The following GALNT5 variants were observed in gnomAD, a reference collection of about 807,000 sequenced individuals.
GALNT5 encodes polypeptide N-acetylgalactosaminyltransferase 5.
A neutral mutation model predicts 85.4 loss-of-function variants in GALNT5; 72 were observed. The observed-to-expected ratio is 0.84, with a 90% CI of 0.70 to 1.03. The LOEUF is 1.03. Ranked by LOEUF, GALNT5 falls within the 50% of genes least tolerant of loss-of-function variation. GALNT5 has a pLI of 0.00. For missense variants in GALNT5, 1,137 were observed against 1,135.5 expected (o/e 1.00, Z -0.02); for synonymous variants, 404 against 397.0 (o/e 1.02, Z -0.21).
intron 3 of GALNT5, among the ~76,000 whole-genome samples, chr2:157,290,883 C>T (rs1438904857): frequency 3.3e-5 from 5 of 152,188 alleles, no homozygotes; most frequent in Non-Finnish European, 5.9e-5. Context: ...AAGCAGTGAT[C>T]GGCCTTACCA....
At position 157,284,390 on chromosome 2, in the gene GALNT5, T is replaced by C. The variant is rs751466241; in HGVS notation, c.1563T>C (p.Asn521=). 3 of 1,614,012 alleles carry C rather than the reference T, an allele frequency of 1.9e-6. No individual in the cohort carries two copies. Among genetic ancestry groups the C allele is most frequent in the Non-Finnish European group, 1.7e-6 (2 of 1,179,854 alleles). ...TGAGATCTGTTCACAGTGTCATCAATCGCTCTCCTCCACACCTCATCAAGG... is the reference window on the plus strand; with the variant it reads ...TGAGATCTGTTCACAGTGTCATCAACCGCTCTCCTCCACACCTCATCAAGG... ...TLLRSVHSVI[N]RSPPHLIKEI... is the part of the protein sequence containing the mutation. Residue 521 remains asparagine, a synonymous_variant, in exon 2 of 10, where the codon AAT becomes AAC. Transcript: ENST00000259056.
At chr2:157,280,506 T>G (rs1574020573) in intron 1 of GALNT5, among the ~76,000 whole-genome samples, 1 of 152,212 alleles carries the variant, frequency 6.6e-6, no homozygotes, top group Non-Finnish European at 1.5e-5. Context: ...ATCTTGGTTT[T>G]AGAATTCTGG....
chr2:157,298,434 T>C, intron 5 of GALNT5, among the ~76,000 whole-genome samples: 1 of 152,202 alleles, frequency 6.6e-6, no homozygotes, highest in East Asian at 1.9e-4. Flanking sequence ...TGCCTTGGAC[T>C]GGCCAAGCAG....
chr2:157,304,072 G>A (rs16841546), intron 7 of GALNT5, among the ~76,000 whole-genome samples: 1,865 of 152,258 alleles, frequency 0.012, 46 homozygotes, highest in African/African-American at 0.042. Context: ...ACAAATACAG[G>A]AGCTTACATA....
At chr2:157,278,570 C>T (rs1682788830) in intron 1 of GALNT5, among the ~76,000 whole-genome samples, 1 of 152,146 alleles carries the variant, frequency 6.6e-6, no homozygotes, top group Non-Finnish European at 1.5e-5. Context: ...ATTTGATCTT[C>T]AATCACTGAT....
At chr2:157,262,734 T>C (rs1682372002) in intron 1 of GALNT5, among the ~76,000 whole-genome samples, 1 of 151,030 alleles carries the variant, frequency 6.6e-6, no homozygotes, top group Admixed American at 6.6e-5. Flanking sequence ...AATCAGATTC[T>C]CTTTTCCAAA....
Position 157,295,760 on chromosome 2 carries a change from C to T in GALNT5, c.1839C>T (p.Ala613=), listed in dbSNP as rs771214031. 6.8e-6 allele frequency: 11 copies of T among 1,608,710 alleles called. No homozygotes were observed. The Admixed American group carries it at 1.7e-4, about 24-fold the overall frequency. The change falls in exon 4 of 10, where the codon GCC becomes GCT. Residue 613 remains alanine, a synonymous_variant. Transcript: ENST00000259056. ...TTTATTTAAGTAGAAAGAAAGTGGC[C>T]TGTCCAGTAATCGAAGTCATCAATG... ...ERVYLSRKKV[A]CPVIEVINDK...
intron 7 of GALNT5, among the ~76,000 whole-genome samples, chr2:157,304,651 T>G (rs1328123903): frequency 6.6e-6 from 1 of 152,238 alleles, no homozygotes; most frequent in African/African-American, 2.4e-5. Context: ...TACACATACC[T>G]CTGTTTTTCT....
At chr2:157,283,128 T>C (rs1436956062) in intron 1 of GALNT5, among the ~76,000 whole-genome samples, 2 of 152,162 alleles carry the variant, frequency 1.3e-5, no homozygotes, top group East Asian at 1.9e-4. Context: ...AGTGTTCGAG[T>C]CCCAGCTCTG....
At chr2:157,299,885 C>A (rs1343140645) in intron 6 of GALNT5, among the ~76,000 whole-genome samples, 6 of 152,080 alleles carry the variant, frequency 3.9e-5, no homozygotes, top group Non-Finnish European at 7.4e-5. Flanking sequence ...TTCACAACAC[C>A]ATTTCTGCTT....
rs148464886 is a variant in GALNT5 at position 157,300,354 on chromosome 2, C to G, written c.2116-322C>G. Among the ~76,000 whole-genome samples the G allele has an allele frequency of 2.4e-3, 368 of 152,174 alleles. 2 individuals are homozygous for G. Among genetic ancestry groups the G allele is most frequent in the African/African-American group, 8.0e-3 (333 of 41,512 alleles). ...TAGAGGAACGTGAACAAATGGACAT[C>G]TATACTTCTTTCCCTGATTCAATCA... On this transcript the variant is annotated intron_variant, in intron 6 of 9. Coordinates refer to ENST00000259056, the MANE Select transcript of GALNT5 (RefSeq NM_014568.3).
At position 157,317,196 on chromosome 2, in the gene GALNT5, A is replaced by ATTT. The variant is rs1422384883; in HGVS notation, c.*5849_*5850insTTT. Reference sequence around the variant, plus strand: ...TGTGTATATATATATATATATATATATATTTTTTTTTTTGATGCTTTGATC... The same window carrying ATTT: ...TGTGTATATATATATATATATATATATTTTATTTTTTTTTTTGATGCTTTGATC... On this transcript the variant is annotated 3_prime_UTR_variant, in exon 10 of 10. Coordinates refer to ENST00000259056, the MANE Select transcript of GALNT5 (RefSeq NM_014568.3). Among the ~76,000 whole-genome samples, 350 of 132,546 alleles carry ATTT rather than the reference A, an allele frequency of 2.6e-3. 2 individuals are homozygous for ATTT. The highest frequency in any genetic ancestry group is 0.01 in the African/African-American group (323 of 30,958). The allele number at this position is 132,546 out of a possible 152,430, so 87.0% of individuals were successfully genotyped here.
Position 157,308,570 on chromosome 2 carries a change from C to G in GALNT5, c.2524C>G (p.Gln842Glu). The G allele has an allele frequency of 1.9e-6, 3 of 1,604,648 alleles. No homozygotes were observed. Among genetic ancestry groups the G allele is most frequent in the Non-Finnish European group, 2.5e-6 (3 of 1,177,356 alleles). The change falls in exon 9 of 10, where the codon CAA becomes GAA. Residue 842 changes from glutamine to glutamate, a missense_variant. Coordinates refer to ENST00000259056, the MANE Select transcript of GALNT5 (RefSeq NM_014568.3). Reference protein sequence around the residue: ...LEDCDGSKELQQFNYTWLRLI... With the variant: ...LEDCDGSKELEQFNYTWLRLI... ...TCTTTATTCATTTCCCCCACAGCTTCAACAATTTAATTACACCTGGTTAAG... is the reference window on the plus strand; with the variant it reads ...TCTTTATTCATTTCCCCCACAGCTTGAACAATTTAATTACACCTGGTTAAG...
At chr2:157,271,181 T>C (rs1477443268) in intron 1 of GALNT5, among the ~76,000 whole-genome samples, 1 of 151,408 alleles carries the variant, frequency 6.6e-6, no homozygotes, top group East Asian at 1.9e-4. Flanking sequence ...ACTAAAGGAA[T>C]AGAAGCAGCC....
chr2:157,296,669 G>C (rs1683220614), intron 5 of GALNT5, among the ~76,000 whole-genome samples, 156 bp downstream of exon 5: 1 of 152,130 alleles, frequency 6.6e-6, no homozygotes, highest in Non-Finnish European at 1.5e-5. Flanking sequence ...GTGTTCTTGA[G>C]AAATTCGTTC....
Position 157,295,697 on chromosome 2 carries a change from A to G in GALNT5, c.1776A>G (p.Glu592=). The change falls in exon 4 of 10, where the codon GAA becomes GAG. Residue 592 remains glutamate (E), a synonymous_variant. Transcript: ENST00000259056. ...TGACATTTTTAGATTCTCATGTGGA[A>G]TGTAACGTTGGTTGGTTGGAACCTC... ...DVLTFLDSHV[E]CNVGWLEPLL... The G allele has an allele frequency of 1.9e-6, 3 of 1,613,170 alleles. No individual in the cohort carries two copies. In the South Asian group the frequency reaches 3.3e-5, roughly 18 times the overall value.
chr2:157,304,375 A>G (rs948015983), intron 7 of GALNT5, among the ~76,000 whole-genome samples: 4 of 152,218 alleles, frequency 2.6e-5, no homozygotes, highest in African/African-American at 9.6e-5. Context: ...CAGGCACCTC[A>G]GAAGTAATTA....
chr2:157,258,846 T>C lies in GALNT5; in HGVS notation c.764T>C (p.Leu255Ser), dbSNP rs1481620784. The change falls in exon 1 of 10, where the codon TTA becomes TCA. Residue 255 changes from leucine to serine, a missense_variant. By Grantham distance (145) the Leu-to-Ser change is moderately radical (BLOSUM62 -2). Coordinates refer to ENST00000259056, the MANE Select transcript of GALNT5 (RefSeq NM_014568.3). Reference sequence around the variant, plus strand: ...CCGAAGTCTGGGGAAGCCATGGCCTTAAACAAAACTAAGACTCAGAGCAAA... The same window carrying C: ...CCGAAGTCTGGGGAAGCCATGGCCTCAAACAAAACTAAGACTCAGAGCAAA... ...AVPKSGEAMA[L>S]NKTKTQSKEV... The C allele has an allele frequency of 6.3e-7, 1 of 1,577,666 alleles. No homozygotes were observed. The highest frequency in any genetic ancestry group is 1.9e-5 in the Admixed American group (1 of 53,604).
At chr2:157,270,816 G>A (rs1558891412) in intron 1 of GALNT5, among the ~76,000 whole-genome samples, 1 of 152,178 alleles carries the variant, frequency 6.6e-6, no homozygotes, top group African/African-American at 2.4e-5. Context: ...TAAAAGAATA[G>A]TTAATTTTGA....
Sources: allele counts gnomAD v4.1 joint callset (sites outside exome capture counted in the v4.1 genomes callset), GRCh38; gene constraint gnomAD v4.1.1; transcripts MANE v1.5; gene names NCBI Gene and HGNC (gene_info 2026-07-23, HGNC 2026-07-21).